PRKN: variants seen among roughly 807,000 people sequenced by gnomAD.
The protein encoded by PRKN is parkin RBR E3 ubiquitin protein ligase, also known as E3 ubiquitin-protein ligase parkin.
PRKN carries 56 observed loss-of-function variants against 59.5 expected under a neutral mutation model. That is an observed-to-expected ratio of 0.94 (90% CI 0.76 to 1.18). PRKN has a LOEUF of 1.18. PRKN is among the 50% of genes most tolerant of loss of function. PRKN has a pLI of 0.00. For synonymous variants in PRKN, 250 were observed against 222.1 expected, an observed-to-expected ratio of 1.13 and a Z score of -1.12; for missense variants, 657 against 596.4, an observed-to-expected ratio of 1.10 and a Z score of -1.06.
In PRKN at chr6:161,570,136, A is replaced by T. The variant is rs1184825437; in HGVS notation, c.872-720T>A. On this transcript the variant is annotated intron_variant, in intron 7 of 11. Coordinates refer to ENST00000366898, the MANE Select transcript of PRKN (RefSeq NM_004562.3). Reference sequence around the variant, plus strand: ...GTAAGTAAATAGGTAAAAAAAAAAAAAAAAAAAAAAATATATATATATATA... The same window carrying T: ...GTAAGTAAATAGGTAAAAAAAAAAATAAAAAAAAAAATATATATATATATA... 2.4e-3 allele frequency among the ~76,000 whole-genome samples: 321 copies of T among 135,106 alleles called. 2 individuals are homozygous for T. Among genetic ancestry groups the T allele is most frequent in the African/African-American group, 9.0e-3 (306 of 34,140 alleles). 88.6% of individuals were successfully genotyped at this position (135,106 alleles called of 152,430 possible).
chr6:162,272,222 C>T (rs1037751879), intron 2 of PRKN, among the ~76,000 whole-genome samples: 4 of 152,066 alleles, frequency 2.6e-5, no homozygotes, highest in Admixed American at 6.6e-5. Context: ...CATGTAGGGT[C>T]GGGATTTCAC....
chr6:162,720,046 G>A lies in PRKN; in HGVS notation c.7+7616C>T, dbSNP rs186036393. Among the ~76,000 whole-genome samples, 101 of 152,226 alleles carry A rather than the reference G, an allele frequency of 6.6e-4. No individual in the cohort carries two copies. In the East Asian group the frequency reaches 9.8e-3, roughly 15 times the overall value. The stretch of plus-strand genomic sequence containing the variant: ...ATGATCTGGAAAATGGATCTACTCT[G>A]CGGGTACAATAAGCTTTAAAAATGA... On this transcript the variant is annotated intron_variant, in intron 1 of 11. Coordinates refer to ENST00000366898, the MANE Select transcript of PRKN (RefSeq NM_004562.3).
At chr6:161,577,053 G>T (rs1781158421) in intron 7 of PRKN, among the ~76,000 whole-genome samples, 1 of 152,144 alleles carries the variant, frequency 6.6e-6, no homozygotes, top group African/African-American at 2.4e-5. Context: ...AGAGGAAAGA[G>T]GAACAGGACC....
At chr6:162,699,066 T>A (rs1156365496) in intron 1 of PRKN, among the ~76,000 whole-genome samples, 1 of 152,226 alleles carries the variant, frequency 6.6e-6, no homozygotes, top group Non-Finnish European at 1.5e-5. Flanking sequence ...AGGTGATAGC[T>A]GGTACTGGCT....
intron 7 of PRKN, among the ~76,000 whole-genome samples, chr6:161,624,735 C>G (rs566736839): frequency 6.6e-6 from 1 of 152,222 alleles, no homozygotes. Flanking sequence ...GATGGACACA[C>G]ACATTCTACT....
rs576923831 is a variant in PRKN, at chr6:162,334,650, G to C, written c.172-71885C>G. Among the ~76,000 whole-genome samples, 3 of 152,280 alleles carry C rather than the reference G, an allele frequency of 2.0e-5. No individual in the cohort carries two copies. The South Asian group carries it at 6.2e-4, about 32-fold the overall frequency. ...ATCCATTCTGCATCCCATGGATTAA[G>C]GAGCAATTTTAACTTGCAAGTCTTA... On this transcript the variant is annotated intron_variant, in intron 2 of 11. Transcript: ENST00000366898.
At chr6:161,884,390 T>C (rs1795055819) in intron 6 of PRKN, among the ~76,000 whole-genome samples, 4 of 152,214 alleles carry the variant, frequency 2.6e-5, no homozygotes, top group Admixed American at 2.6e-4. Context: ...CTGAATTTCA[T>C]TTTGCAGCTT....
At chr6:162,413,248 C>T (rs1028732372) in intron 2 of PRKN, among the ~76,000 whole-genome samples, 1 of 152,126 alleles carries the variant, frequency 6.6e-6, no homozygotes, top group Admixed American at 6.5e-5. Context: ...CCTTAATATC[C>T]TGGAGTCAGA....
intron 9 of PRKN, among the ~76,000 whole-genome samples, chr6:161,490,331 TGC>T (rs1562483227): frequency 1.8e-4 from 21 of 113,532 alleles, no homozygotes; most frequent in African/African-American, 3.8e-4. Context: ...CTTGCTTGCT[TGC>T]TTGCTTTCTC....
At chr6:161,619,428 A>G (rs6455739) in intron 7 of PRKN, among the ~76,000 whole-genome samples, 103,317 of 150,894 alleles carry the variant, frequency 0.68, 36,343 homozygotes, top group African/African-American at 0.85. Flanking sequence ...TAGGTCTATC[A>G]ATAATTGTTA....
chr6:162,614,297 G>A (rs1782310453), intron 1 of PRKN, among the ~76,000 whole-genome samples: 1 of 152,068 alleles, frequency 6.6e-6, no homozygotes. Flanking sequence ...AATGAGAAGG[G>A]TAAGTCATGA....
At chr6:161,700,547 T>A (rs1473501466) in intron 7 of PRKN, among the ~76,000 whole-genome samples, 2 of 152,168 alleles carry the variant, frequency 1.3e-5, no homozygotes, top group Non-Finnish European at 2.9e-5. Context: ...GGGTTAGCTG[T>A]TGGAGGCTAC....
intron 2 of PRKN, among the ~76,000 whole-genome samples, chr6:162,415,792 G>A (rs1386723586): frequency 6.6e-6 from 1 of 152,016 alleles, no homozygotes; most frequent in Non-Finnish European, 1.5e-5. Flanking sequence ...ACTCCAGCCT[G>A]GTGACAGAGT....
chr6:162,595,751 T>G (rs1169019803), intron 1 of PRKN, among the ~76,000 whole-genome samples: 1 of 152,184 alleles, frequency 6.6e-6, no homozygotes, highest in Non-Finnish European at 1.5e-5. Context: ...TGAACATGTG[T>G]TCCTCTCTGA....
At chr6:162,676,510 CAT>C (rs1443733539) in intron 1 of PRKN, among the ~76,000 whole-genome samples, 1 of 152,112 alleles carries the variant, frequency 6.6e-6, no homozygotes, top group Admixed American at 6.5e-5. Flanking sequence ...AGGTCAATAA[CAT>C]AGATTTCTGA....
intron 1 of PRKN, among the ~76,000 whole-genome samples, chr6:162,706,728 CAT>C (rs1191063581): frequency 1.3e-5 from 2 of 152,210 alleles, no homozygotes; most frequent in African/African-American, 2.4e-5. Flanking sequence ...ACAACACACA[CAT>C]GAGCACTCAA....
chr6:161,837,261 C>T (rs1792796815), intron 6 of PRKN, among the ~76,000 whole-genome samples: 1 of 152,046 alleles, frequency 6.6e-6, no homozygotes, highest in Non-Finnish European at 1.5e-5. Flanking sequence ...TTTTCCCTTC[C>T]TCCTGCTAAT....
At chr6:162,069,260 A>C (rs1778473213) in intron 4 of PRKN, among the ~76,000 whole-genome samples, 1 of 152,092 alleles carries the variant, frequency 6.6e-6, no homozygotes, top group African/African-American at 2.4e-5. Flanking sequence ...AGGGGTTTCC[A>C]CTTTTGCTTC....
intron 6 of PRKN, among the ~76,000 whole-genome samples, chr6:161,844,523 T>C (rs552826309): frequency 1.3e-5 from 2 of 152,350 alleles, no homozygotes; most frequent in Non-Finnish European, 2.9e-5. Flanking sequence ...TCTGTCCATA[T>C]CCTGGCTACT....
Sources: allele counts gnomAD v4.1 joint callset (sites outside exome capture counted in the v4.1 genomes callset), GRCh38; gene constraint gnomAD v4.1.1; transcripts MANE v1.5; gene names NCBI Gene and HGNC (gene_info 2026-07-23, HGNC 2026-07-21).